The following PMFBP1 variants were observed in gnomAD, a reference collection of about 807,000 sequenced individuals.
PMFBP1 encodes the protein polyamine-modulated factor 1-binding protein 1.
Under a neutral mutation model 137.8 loss-of-function variants are expected in PMFBP1, and 131 were observed. The observed-to-expected ratio is 0.95, with a 90% CI of 0.82 to 1.10. The LOEUF (loss-of-function observed/expected upper bound fraction) is 1.10, where lower values mean the gene tolerates loss of function less well. PMFBP1 is among the 50% of genes least tolerant of loss of function. PMFBP1 has a pLI of 0.00. For synonymous variants in PMFBP1, 490 were observed against 450.4 expected, an observed-to-expected ratio of 1.09 and a Z score of -1.11; for missense variants, 1,199 against 1,175.4, an observed-to-expected ratio of 1.02 and a Z score of -0.29.
chr16:72,188,073 C>G, the PMFBP1 span, among the ~76,000 whole-genome samples: 2 of 152,202 alleles, frequency 1.3e-5, no homozygotes, highest in Non-Finnish European at 2.9e-5. Context: ...AACCCCAAGA[C>G]TATAGAATGC....
chr16:72,249,845 C>T, the PMFBP1 span, among the ~76,000 whole-genome samples: 9 of 134,964 alleles, frequency 6.7e-5, no homozygotes, highest in African/African-American at 1.7e-4. Context: ...CGTTTGAACC[C>T]GGGAGGCAGA....
At chr16:72,207,710 ATG>A in the PMFBP1 span, among the ~76,000 whole-genome samples, 17,938 of 143,626 alleles carry the variant, frequency 0.12, 1,371 homozygotes, top group South Asian at 0.19. Flanking sequence ...CCAGTAGGGC[ATG>A]TGTGTGTGTG....
chr16:72,154,562 A>G lies in PMFBP1; in HGVS notation c.166-103T>C, dbSNP rs2042954425. ...TTTGTTCAGTCATTCACATCCATCTATCCATCTTTTTATCTTTTCATCTAC... is the reference window on the plus strand; with the variant it reads ...TTTGTTCAGTCATTCACATCCATCTGTCCATCTTTTTATCTTTTCATCTAC... On this transcript the variant is annotated intron_variant, in intron 3 of 20. Coordinates refer to ENST00000237353, the MANE Select transcript of PMFBP1 (RefSeq NM_031293.3). 4 of 1,317,324 alleles carry G rather than the reference A, an allele frequency of 3.0e-6. No individual in the cohort carries two copies. In the South Asian group the frequency reaches 4.3e-5, roughly 14 times the overall value. The allele number at this position is 1,317,324 out of a possible 1,614,324, so 81.6% of individuals were successfully genotyped here. A position where few individuals can be genotyped will look rare whatever the true frequency, so the allele number is the denominator to read the frequency against.
chr16:72,179,725 C>G (rs1453218796), upstream of PMFBP1, among the ~76,000 whole-genome samples: 1 of 152,062 alleles, frequency 6.6e-6, no homozygotes, highest in African/African-American at 2.4e-5. Flanking sequence ...GAGGAGGGAA[C>G]CAGTACGGGG....
At chr16:72,119,698 T>C in intron 20 of PMFBP1, 153 bp downstream of exon 20, 1 of 1,472,650 alleles carries the variant, frequency 6.8e-7, no homozygotes, top group South Asian at 1.4e-5. Flanking sequence ...CTCCTCCCTT[T>C]ACAGATGTGA....
chr16:72,153,405 G>A (rs754955696), intron 4 of PMFBP1, among the ~76,000 whole-genome samples: 6 of 151,768 alleles, frequency 4.0e-5, no homozygotes, highest in Non-Finnish European at 5.9e-5. Context: ...TTTCTTCTCC[G>A]TCCTTCCAAT....
chr16:72,164,011 A>G (rs1201331858), intron 3 of PMFBP1, among the ~76,000 whole-genome samples: 1 of 150,028 alleles, frequency 6.7e-6, no homozygotes, highest in Non-Finnish European at 1.5e-5. Flanking sequence ...CTCACAAATC[A>G]CCACTAAAGA....
At chr16:72,232,916 A>G in the PMFBP1 span, among the ~76,000 whole-genome samples, 2 of 152,144 alleles carry the variant, frequency 1.3e-5, no homozygotes, top group Admixed American at 1.3e-4. Flanking sequence ...ATGTATACAA[A>G]TGATTGCAAA....
In PMFBP1 at chr16:72,128,530, G is replaced by A. The variant is rs748127925; in HGVS notation, c.2088+127C>T. 3.8e-6 allele frequency: 6 copies of A among 1,576,546 alleles called. No individual in the cohort carries two copies. In the African/African-American group the frequency reaches 6.7e-5, roughly 18 times the overall value. Reference sequence around the variant, plus strand: ...TGGGGAGGGAAGTAGAGCTGTAGGTGGCCCAGGATCCGCAGTTGGCTGAGC... The same window carrying A: ...TGGGGAGGGAAGTAGAGCTGTAGGTAGCCCAGGATCCGCAGTTGGCTGAGC... On this transcript the variant is annotated intron_variant, in intron 14 of 20. Transcript: ENST00000237353.
chr16:72,123,098 C>G (rs2042400399), intron 18 of PMFBP1, 110 bp from the exon 19 acceptor site: 3 of 925,990 alleles, frequency 3.2e-6, no homozygotes, highest in Admixed American at 2.0e-5. Context: ...CTGCTGCATC[C>G]CACGTCCCCC....
chr16:72,188,789 A>G, the PMFBP1 span, among the ~76,000 whole-genome samples: 1 of 152,132 alleles, frequency 6.6e-6, no homozygotes, highest in Admixed American at 6.5e-5. Context: ...ATACTTCCCA[A>G]GGAAATTCTA....
At chr16:72,179,896 G>C (rs976629970), upstream of PMFBP1, among the ~76,000 whole-genome samples, 2 of 152,162 alleles carry the variant, frequency 1.3e-5, no homozygotes, top group Non-Finnish European at 2.9e-5. Context: ...TGTATTCTTT[G>C]AACATCTAAT....
chr16:72,130,491 G>T, intron 11 of PMFBP1, 42 bp downstream of exon 11: 1 of 1,611,772 alleles, frequency 6.2e-7, no homozygotes, highest in Non-Finnish European at 8.5e-7. Flanking sequence ...TGGGTCAAGA[G>T]TGACAGAACC....
intron 19 of PMFBP1, 124 bp from the exon 20 acceptor site, chr16:72,120,213 C>T (rs531137016): frequency 1.2e-4 from 172 of 1,470,468 alleles, no homozygotes; most frequent in Middle Eastern, 5.0e-4. Context: ...TGTTCAGAGC[C>T]GGCCTGTTAC....
the PMFBP1 span, among the ~76,000 whole-genome samples, chr16:72,191,105 C>T: frequency 9.2e-5 from 14 of 152,136 alleles, no homozygotes; most frequent in African/African-American, 1.7e-4. Flanking sequence ...CCATCCTGCC[C>T]GAGGCCTTGA....
At chr16:72,154,505 A>G in intron 3 of PMFBP1, 46 bp from the exon 4 acceptor site, 1 of 1,584,142 alleles carries the variant, frequency 6.3e-7, no homozygotes, top group South Asian at 1.1e-5. Flanking sequence ...GATCATCACT[A>G]AGGACGTATT....
At chr16:72,217,475 A>C in the PMFBP1 span, among the ~76,000 whole-genome samples, 1 of 152,266 alleles carries the variant, frequency 6.6e-6, no homozygotes, top group African/African-American at 2.4e-5. Flanking sequence ...ATACTCTCTC[A>C]ATATTTTGTG....
intron 20 of PMFBP1, 163 bp from the exon 21 acceptor site, chr16:72,119,517 A>C: frequency 6.7e-7 from 1 of 1,500,914 alleles, no homozygotes; most frequent in Non-Finnish European, 8.9e-7. Context: ...CTGTGGACCC[A>C]GGCTGGGTAG....
At chr16:72,138,421 A>G (rs2042665992) in intron 7 of PMFBP1, among the ~76,000 whole-genome samples, 1 of 152,254 alleles carries the variant, frequency 6.6e-6, no homozygotes, top group Admixed American at 6.5e-5. Context: ...TGGCTTTGCC[A>G]GGTACCAAGT....
Sources: gnomAD v4.1 joint callset for allele counts (sites outside exome capture counted in the v4.1 genomes callset) on GRCh38, gnomAD v4.1.1 for gene constraint, MANE v1.5 for transcripts, NCBI Gene and HGNC (gene_info 2026-07-23, HGNC 2026-07-21) for gene names.